Variants in RCSD1 observed in about 807,000 individuals in gnomAD.
RCSD1 encodes RCSD domain containing 1.
In RCSD1, 26 loss-of-function variants were observed where a neutral mutation model predicts 42.5. That is an observed-to-expected ratio of 0.61 (90% CI 0.45 to 0.85). The LOEUF (loss-of-function observed/expected upper bound fraction) is 0.85, where lower values mean the gene tolerates loss of function less well. RCSD1 is among the 40% of genes least tolerant of loss of function. The probability of loss-of-function intolerance (pLI) is 0.00; values close to 1 mark genes in which losing one functional copy is unlikely to be tolerated. For synonymous variants in RCSD1, 220 were observed against 212.2 expected, an observed-to-expected ratio of 1.04 and a Z score of -0.32; for missense variants, 571 against 528.3, an observed-to-expected ratio of 1.08 and a Z score of -0.79.
chr1:167,642,332 C>T (rs1038346582), intron 1 of RCSD1, among the ~76,000 whole-genome samples: 1 of 152,064 alleles, frequency 6.6e-6, no homozygotes, highest in Non-Finnish European at 1.5e-5. Context: ...AAGTGTTTAT[C>T]TGCACCACTC....
chr1:167,704,801 T>C lies in RCSD1; in HGVS notation c.*105T>C. ...AGACGAAGCCATTGCAGAGGCAGAA[T>C]ATGCTGAGTGTCTGGAGTCAGCCTG... is the stretch of plus-strand genomic sequence containing the variant. On this transcript the variant is annotated 3_prime_UTR_variant, in exon 7 of 7. Transcript: ENST00000367854. 8.9e-7 allele frequency: 1 copy of C among 1,128,914 alleles called. No homozygotes were observed. Among genetic ancestry groups the C allele is most frequent in the South Asian group, 1.3e-5 (1 of 77,936 alleles). 69.9% of individuals were successfully genotyped at this position (1,128,914 alleles called of 1,614,324 possible).
At chr1:167,642,102 T>C (rs961415317) in intron 1 of RCSD1, 5 of 152,236 alleles carry the variant, frequency 3.3e-5, no homozygotes, top group African/African-American at 9.7e-5. Flanking sequence ...TGCTCTCTTT[T>C]GGAAGGTTCC....
chr1:167,679,224 G>A lies in RCSD1; in HGVS notation c.7-4676G>A, dbSNP rs144538951. Among the ~76,000 whole-genome samples, 301 of 151,814 alleles carry A rather than the reference G, an allele frequency of 2.0e-3. 2 individuals are homozygous for A. The highest frequency in any genetic ancestry group is 7.0e-3 in the African/African-American group (291 of 41,526). On this transcript the variant is annotated intron_variant, in intron 1 of 6. Transcript: ENST00000367854. ...ATGCCTGCACTTACTGACTTGAATA[G>A]TAACTTACTTAGCAACTCTAGGCCC...
intron 1 of RCSD1, among the ~76,000 whole-genome samples, chr1:167,680,121 T>C (rs1255613258): frequency 1.3e-5 from 2 of 152,060 alleles, no homozygotes; most frequent in Non-Finnish European, 2.9e-5. Flanking sequence ...AAGCAAGACC[T>C]GGGCCCAGGA....
chr1:167,673,924 C>G (rs1462506645), intron 1 of RCSD1, among the ~76,000 whole-genome samples: 1 of 152,216 alleles, frequency 6.6e-6, no homozygotes, highest in African/African-American at 2.4e-5. Flanking sequence ...TTCCCTGATT[C>G]ACCTAAGCAG....
At chr1:167,669,675 C>T (rs1281384475) in intron 1 of RCSD1, among the ~76,000 whole-genome samples, 1 of 152,198 alleles carries the variant, frequency 6.6e-6, no homozygotes, top group African/African-American at 2.4e-5. Flanking sequence ...TCATTGATTT[C>T]TTCTGCGTGT....
chr1:167,637,098 C>T (rs898865961), intron 1 of RCSD1, among the ~76,000 whole-genome samples: 3 of 152,140 alleles, frequency 2.0e-5, no homozygotes, highest in African/African-American at 7.2e-5. Flanking sequence ...TCAGGGAGGG[C>T]TTCCTGCTAA....
intron 1 of RCSD1, among the ~76,000 whole-genome samples, chr1:167,670,742 C>T (rs1245506014): frequency 6.6e-6 from 1 of 152,184 alleles, no homozygotes; most frequent in African/African-American, 2.4e-5. Flanking sequence ...CTCCCCCTCT[C>T]TGTAAATGAC....
chr1:167,642,276 A>G (rs1165645826), intron 1 of RCSD1, among the ~76,000 whole-genome samples: 1 of 152,028 alleles, frequency 6.6e-6, no homozygotes. Flanking sequence ...GTCTGGAAGT[A>G]AGACTGTGTC....
At position 167,706,015 on chromosome 1, in the gene RCSD1, A is replaced by G. The variant is rs1202896847; in HGVS notation, c.*1319A>G. The G allele has an allele frequency of 1.3e-5, 2 of 152,190 alleles. No individual in the cohort carries two copies. The highest frequency in any genetic ancestry group is 4.8e-5 in the African/African-American group (2 of 41,434). 9.4% of individuals were successfully genotyped at this position (152,190 alleles called of 1,614,324 possible). A position where few individuals can be genotyped will look rare whatever the true frequency, so the allele number is the denominator to read the frequency against. Reference sequence around the variant, plus strand: ...GTCTGTTAGACTACATCCTACACTGACTTCAGAAAACAGTCTGTCAGACAA... The same window carrying G: ...GTCTGTTAGACTACATCCTACACTGGCTTCAGAAAACAGTCTGTCAGACAA... On this transcript the variant is annotated 3_prime_UTR_variant, in exon 7 of 7. Coordinates refer to ENST00000367854, the MANE Select transcript of RCSD1 (RefSeq NM_052862.4).
At chr1:167,643,091 C>T (rs962105907) in intron 1 of RCSD1, among the ~76,000 whole-genome samples, 1 of 152,192 alleles carries the variant, frequency 6.6e-6, no homozygotes, top group Non-Finnish European at 1.5e-5. Context: ...CCTGCTTTAC[C>T]TACCTTCCAA....
chr1:167,687,522 C>CAAAAA (rs111700732), intron 3 of RCSD1, among the ~76,000 whole-genome samples: 1 of 88,534 alleles, frequency 1.1e-5, no homozygotes, highest in African/African-American at 3.4e-5. Context: ...GACTCCGTCT[C>CAAAAA]AAAAAAAAAA....
At chr1:167,690,240 A>G in intron 4 of RCSD1, 120 bp downstream of exon 4, 5 of 806,544 alleles carry the variant, frequency 6.2e-6, no homozygotes, top group South Asian at 1.6e-5. Context: ...ATTGGCCCCA[A>G]TAATCAGCCA....
chr1:167,654,602 C>T (rs1658382121), intron 1 of RCSD1, among the ~76,000 whole-genome samples: 1 of 152,108 alleles, frequency 6.6e-6, no homozygotes, highest in Non-Finnish European at 1.5e-5. Context: ...TGACAGGGGC[C>T]TTATATTCTC....
intron 1 of RCSD1, among the ~76,000 whole-genome samples, chr1:167,666,411 C>T (rs769422190): frequency 3.3e-5 from 5 of 152,190 alleles, no homozygotes; most frequent in Non-Finnish European, 5.9e-5. Flanking sequence ...TGTTTTATTA[C>T]TGTTGAAAAA....
At chr1:167,668,075 G>A (rs774947189) in intron 1 of RCSD1, among the ~76,000 whole-genome samples, 8 of 152,116 alleles carry the variant, frequency 5.3e-5, no homozygotes, top group South Asian at 2.1e-4. Flanking sequence ...TGGATCACCT[G>A]AGGTCAGGAG....
chr1:167,657,836 T>G lies in RCSD1; in HGVS notation c.7-26064T>G, dbSNP rs908076548. Among the ~76,000 whole-genome samples, 3 of 152,176 alleles carry G rather than the reference T, an allele frequency of 2.0e-5. No individual in the cohort carries two copies. In the South Asian group the frequency reaches 6.2e-4, roughly 31 times the overall value. ...TATATATCTTGACAACTTGCTTCCTTTTCCTTGAAAATATATCGTGGACAG... is the reference window on the plus strand; with the variant it reads ...TATATATCTTGACAACTTGCTTCCTGTTCCTTGAAAATATATCGTGGACAG... On this transcript the variant is annotated intron_variant, in intron 1 of 6. Coordinates refer to ENST00000367854, the MANE Select transcript of RCSD1 (RefSeq NM_052862.4).
chr1:167,649,522 C>T (rs994472717), intron 1 of RCSD1, among the ~76,000 whole-genome samples: 1 of 152,130 alleles, frequency 6.6e-6, no homozygotes, highest in Admixed American at 6.5e-5. Context: ...TTGTTTTATT[C>T]CCAGAGTGAT....
At chr1:167,673,841 C>T (rs753258895) in intron 1 of RCSD1, among the ~76,000 whole-genome samples, 3 of 152,214 alleles carry the variant, frequency 2.0e-5, no homozygotes, top group African/African-American at 7.2e-5. Flanking sequence ...TCCCCTCATG[C>T]CCACCTTCTC....
Sources: allele counts gnomAD v4.1 joint callset (sites outside exome capture counted in the v4.1 genomes callset), GRCh38; gene constraint gnomAD v4.1.1; transcripts MANE v1.5; gene names NCBI Gene and HGNC (gene_info 2026-07-23, HGNC 2026-07-21).